The following GTF2H1 variants were observed in gnomAD, a reference collection of about 807,000 sequenced individuals.
GTF2H1 encodes the protein general transcription factor IIH subunit 1.
GTF2H1 carries 16 observed loss-of-function variants against 71.2 expected under a neutral mutation model. The ratio of observed to expected loss-of-function variants is 0.22; its 90% CI spans 0.15 to 0.34. The LOEUF (loss-of-function observed/expected upper bound fraction) is 0.34. GTF2H1 is among the 10% of genes least tolerant of loss of function. GTF2H1 has a pLI of 1.00. For synonymous variants in GTF2H1, 215 were observed against 219.0 expected (o/e 0.98, Z 0.16); for missense variants, 498 against 648.2 (o/e 0.77, Z 2.52).
chr11:18,346,843 C>G (rs1168542854), intron 7 of GTF2H1, among the ~76,000 whole-genome samples: 1 of 137,122 alleles, frequency 7.3e-6, no homozygotes, highest in African/African-American at 2.7e-5. Context: ...TCAAGTGATT[C>G]TCCTGCCTCA....
intron 4 of GTF2H1, among the ~76,000 whole-genome samples, chr11:18,338,792 T>A (rs1282775568): frequency 6.6e-6 from 1 of 152,150 alleles, no homozygotes; most frequent in Non-Finnish European, 1.5e-5. Flanking sequence ...TTTTTTAAAT[T>A]TATATTTCTT....
intron 14 of GTF2H1, among the ~76,000 whole-genome samples, chr11:18,361,814 G>C (rs747307332): frequency 6.6e-6 from 1 of 152,200 alleles, no homozygotes; most frequent in Non-Finnish European, 1.5e-5. Flanking sequence ...CTGTTCCTGG[G>C]TTCTATTTGG....
At chr11:18,324,676 TTCC>T (rs1310021857) in intron 1 of GTF2H1, among the ~76,000 whole-genome samples, 1 of 152,236 alleles carries the variant, frequency 6.6e-6, no homozygotes, top group Non-Finnish European at 1.5e-5. Context: ...CTTTGTGCCC[TTCC>T]TTTCTCTTTC....
chr11:18,323,042 C>T lies in GTF2H1; in HGVS notation c.-16+302C>T, dbSNP rs141107770. Among the ~76,000 whole-genome samples the T allele has an allele frequency of 8.5e-5, 13 of 152,274 alleles. No individual in the cohort carries two copies. In the South Asian group the frequency reaches 2.1e-3, roughly 24 times the overall value. On this transcript the variant is annotated intron_variant, in intron 1 of 14. Coordinates refer to ENST00000265963, the MANE Select transcript of GTF2H1 (RefSeq NM_005316.4). ...CTCTCCCAGACAGAGAAGCCCTTCC[C>T]GTCAGGAAATGTGCTGTTGAGTCTG...
intron 1 of GTF2H1, among the ~76,000 whole-genome samples, chr11:18,327,300 G>T (rs909422859): frequency 3.5e-4 from 53 of 151,944 alleles, no homozygotes; most frequent in African/African-American, 9.9e-4. Context: ...TCAGAAAAGA[G>T]AACATTTAAA....
At chr11:18,339,838 T>C (rs553683828) in intron 5 of GTF2H1, among the ~76,000 whole-genome samples, 181 bp downstream of exon 5, 1 of 152,300 alleles carries the variant, frequency 6.6e-6, no homozygotes, top group East Asian at 1.9e-4. Flanking sequence ...TTGTCATCAG[T>C]TCACTAATAT....
At chr11:18,360,507 TAAAA>T in intron 13 of GTF2H1, 104 bp from the exon 14 acceptor site, 1 of 560,588 alleles carries the variant, frequency 1.8e-6, no homozygotes, top group East Asian at 3.3e-5. Context: ...TTTTTACATT[TAAAA>T]AAATTCTACA....
chr11:18,339,020 G>A (rs1195410847), intron 4 of GTF2H1, among the ~76,000 whole-genome samples: 2 of 152,092 alleles, frequency 1.3e-5, no homozygotes, highest in South Asian at 2.1e-4. Context: ...TGTAAGATTT[G>A]TAAACTATAT....
intron 1 of GTF2H1, among the ~76,000 whole-genome samples, chr11:18,327,339 A>C (rs1435527544): frequency 6.6e-6 from 1 of 150,838 alleles, no homozygotes; most frequent in Non-Finnish European, 1.5e-5. Flanking sequence ...CCCATAGATA[A>C]TCATTATTAA....
rs765210359 is a variant in GTF2H1 at position 18,339,596 on chromosome 11, C to T, written c.546C>T (p.Asn182=). The T allele has an allele frequency of 3.9e-5, 63 of 1,613,130 alleles. No individual in the cohort carries two copies. Among genetic ancestry groups the T allele is most frequent in the Non-Finnish European group, 4.6e-5 (54 of 1,179,310 alleles). The part of the protein sequence containing the change: ...ADVRPQTDGC[N]GLRYNLTSDI... ...TCCGGCCCCAAACTGATGGCTGTAA[C>T]GGTCTAAGATATAATTTAACTTCTG... The change falls in exon 5 of 15, where the codon AAC becomes AAT. Residue 182 remains asparagine (N), a synonymous_variant. Transcript: ENST00000265963.
At chr11:18,334,250 G>A (rs1184197819) in intron 2 of GTF2H1, among the ~76,000 whole-genome samples, 2 of 152,104 alleles carry the variant, frequency 1.3e-5, no homozygotes, top group African/African-American at 2.4e-5. Context: ...CATGGTGGCG[G>A]GCGCCTGTAG....
At chr11:18,344,474 C>T (rs1258189448) in intron 7 of GTF2H1, among the ~76,000 whole-genome samples, 1 of 151,962 alleles carries the variant, frequency 6.6e-6, no homozygotes, top group Non-Finnish European at 1.5e-5. Flanking sequence ...CAAAAATTAG[C>T]CGGGCCTGGC....
At chr11:18,345,386 G>T in intron 7 of GTF2H1, among the ~76,000 whole-genome samples, 1 of 151,894 alleles carries the variant, frequency 6.6e-6, no homozygotes, top group East Asian at 1.9e-4. Context: ...TCCTCTCAGA[G>T]TGTAATCTTC....
intron 2 of GTF2H1, among the ~76,000 whole-genome samples, chr11:18,333,868 G>T (rs897870880): frequency 3.9e-5 from 6 of 152,194 alleles, no homozygotes; most frequent in African/African-American, 9.7e-5. Context: ...CAAGTTGTCT[G>T]ATCTTTGCTT....
chr11:18,330,759 T>C (rs1864875579), intron 1 of GTF2H1, among the ~76,000 whole-genome samples: 1 of 152,218 alleles, frequency 6.6e-6, no homozygotes, highest in Non-Finnish European at 1.5e-5. Flanking sequence ...ACTTGCTCAC[T>C]GCCCTGGAAG....
chr11:18,363,307 A>G (rs1416005925), intron 14 of GTF2H1, among the ~76,000 whole-genome samples: 1 of 152,202 alleles, frequency 6.6e-6, no homozygotes, highest in Non-Finnish European at 1.5e-5. Flanking sequence ...TATCATTATC[A>G]AGTATTAGGT....
At chr11:18,337,381 G>C (rs900889466) in intron 3 of GTF2H1, among the ~76,000 whole-genome samples, 34 of 152,108 alleles carry the variant, frequency 2.2e-4, no homozygotes, top group African/African-American at 7.5e-4. Context: ...GGAGGCAAAG[G>C]CTGCAGTGAG....
intron 7 of GTF2H1, among the ~76,000 whole-genome samples, chr11:18,344,457 A>G (rs1218524151): frequency 6.6e-6 from 1 of 151,948 alleles, no homozygotes; most frequent in Non-Finnish European, 1.5e-5. Context: ...CATCTCCACT[A>G]AAAATACAAA....
chr11:18,358,113 G>A (rs1865605803), intron 12 of GTF2H1, 71 bp downstream of exon 12: 1 of 989,380 alleles, frequency 1.0e-6, no homozygotes, highest in Middle Eastern at 2.1e-4. Flanking sequence ...GAGGAGTGCT[G>A]AACTTTTATT....
Sources: allele counts gnomAD v4.1 joint callset (sites outside exome capture counted in the v4.1 genomes callset), GRCh38; gene constraint gnomAD v4.1.1; transcripts MANE v1.5; gene names NCBI Gene and HGNC (gene_info 2026-07-23, HGNC 2026-07-21).